Variants in TRPM3 observed in about 807,000 individuals in gnomAD.
TRPM3 encodes long transient receptor potential channel 3.
TRPM3 carries 77 observed loss-of-function variants against 181.2 expected under a neutral mutation model. The observed-to-expected ratio is 0.42, with a 90% confidence interval of 0.35 to 0.51. The LOEUF (loss-of-function observed/expected upper bound fraction) is 0.51, where lower values mean the gene tolerates loss of function less well. Among genes scored for constraint, TRPM3 ranks in the 20% least tolerant of loss-of-function variants. The pLI is 0.01. For synonymous variants in TRPM3, 745 were observed against 796.4 expected, an observed-to-expected ratio of 0.94 and a Z score of 1.09; for missense variants, 1,759 against 2,196.7, an observed-to-expected ratio of 0.80 and a Z score of 3.98.
intron 1 of TRPM3, among the ~76,000 whole-genome samples, chr9:71,310,882 T>C (rs1431712657): frequency 2.0e-5 from 3 of 152,078 alleles, no homozygotes; most frequent in African/African-American, 7.2e-5. Flanking sequence ...TTTTTCTTTT[T>C]ACTATGGAGA....
chr9:71,039,724 CT>C (rs1158452154), intron 1 of TRPM3, among the ~76,000 whole-genome samples: 1 of 152,136 alleles, frequency 6.6e-6, no homozygotes, highest in African/African-American at 2.4e-5. Flanking sequence ...GGGCATTTAA[CT>C]TTTCTCTGTC....
chr9:70,558,764 C>T (rs1460078676), intron 22 of TRPM3, among the ~76,000 whole-genome samples: 1 of 152,096 alleles, frequency 6.6e-6, no homozygotes, highest in South Asian at 2.1e-4. Flanking sequence ...CTCAAAGTCA[C>T]GTGCAGGTAC....
intron 6 of TRPM3, among the ~76,000 whole-genome samples, chr9:70,787,225 G>T (rs945546870): frequency 1.3e-5 from 2 of 151,960 alleles, no homozygotes. Context: ...CAATTAAAAT[G>T]ATGAAAACAA....
chr9:71,325,557 G>T (rs957541663), intron 1 of TRPM3, among the ~76,000 whole-genome samples: 1 of 152,122 alleles, frequency 6.6e-6, no homozygotes, highest in Non-Finnish European at 1.5e-5. Flanking sequence ...GGTGAGAGAG[G>T]ACACAACATG....
intron 1 of TRPM3, among the ~76,000 whole-genome samples, chr9:71,116,305 G>C (rs2072370313): frequency 6.6e-6 from 1 of 152,110 alleles, no homozygotes; most frequent in African/African-American, 2.4e-5. Flanking sequence ...AAAGTTTCTG[G>C]TTTACTGACA....
rs182614435 is a variant in TRPM3, at chr9:71,265,464, G to A, written c.183+181189C>T. ...TGAAAATGGTGACACATATTGGCAT[G>A]TAAGTGAATGTATTTGCTAAATAGC... On this transcript the variant is annotated intron_variant, in intron 1 of 24. Coordinates refer to the TRPM3 transcript ENST00000357533. 2.7e-4 allele frequency among the ~76,000 whole-genome samples: 41 copies of A among 152,328 alleles called. 1 individual carries two copies. The highest frequency in any genetic ancestry group is 4.1e-4 in the South Asian group (2 of 4,830).
chr9:71,089,880 TC>T (rs2065914832), intron 1 of TRPM3, among the ~76,000 whole-genome samples: 1 of 152,052 alleles, frequency 6.6e-6, no homozygotes, highest in South Asian at 2.1e-4. Context: ...TCTTTCAGCC[TC>T]CCTGGACCAT....
Position 71,266,674 on chromosome 9 carries a change from T to C in TRPM3, c.183+179979A>G, listed in dbSNP as rs574158921. On this transcript the variant is annotated intron_variant, in intron 1 of 24. Coordinates refer to the TRPM3 transcript ENST00000357533. ...AAAATTGCATGTGTATAATACAGTA[T>C]TGTTGACTGTAGGCACAATGGTGTA... Among the ~76,000 whole-genome samples the C allele has an allele frequency of 4.7e-3, 722 of 152,336 alleles. 3 individuals are homozygous for C. Among genetic ancestry groups the C allele is most frequent in the Non-Finnish European group, 8.3e-3 (568 of 68,038 alleles).
intron 8 of TRPM3, among the ~76,000 whole-genome samples, chr9:70,688,663 A>G (rs1159612693): frequency 6.6e-6 from 1 of 152,126 alleles, no homozygotes; most frequent in Non-Finnish European, 1.5e-5. Flanking sequence ...TGCTCCTCTC[A>G]GGATCCTTTA....
intron 1 of TRPM3, among the ~76,000 whole-genome samples, chr9:70,968,266 T>C (rs1307739872): frequency 6.6e-6 from 1 of 152,170 alleles, no homozygotes; most frequent in Non-Finnish European, 1.5e-5. Context: ...TAAAGATTAA[T>C]GTCACTCAAG....
intron 1 of TRPM3, among the ~76,000 whole-genome samples, chr9:71,130,318 C>A (rs2074292283): frequency 6.6e-6 from 1 of 151,984 alleles, no homozygotes; most frequent in Admixed American, 6.6e-5. Context: ...AAAAAAATAC[C>A]ATGATCTATC....
chr9:70,770,556 G>A (rs1199780794), intron 7 of TRPM3, among the ~76,000 whole-genome samples: 3 of 152,168 alleles, frequency 2.0e-5, no homozygotes, highest in Non-Finnish European at 4.4e-5. Flanking sequence ...TTCACAATCT[G>A]CTATAGGAGA....
At chr9:71,311,677 G>GA (rs911367649) in intron 1 of TRPM3, among the ~76,000 whole-genome samples, 10 of 149,952 alleles carry the variant, frequency 6.7e-5, no homozygotes, top group African/African-American at 1.5e-4. Context: ...GGATAACAAA[G>GA]AAAAAAAAAT....
At chr9:70,908,699 G>T (rs548208230) in intron 1 of TRPM3, among the ~76,000 whole-genome samples, 2 of 152,282 alleles carry the variant, frequency 1.3e-5, no homozygotes, top group Middle Eastern at 3.4e-3. Flanking sequence ...GACAAATTTG[G>T]AGTATCCACA....
chr9:70,693,211 A>T (rs2069107376), intron 8 of TRPM3, among the ~76,000 whole-genome samples: 1 of 152,220 alleles, frequency 6.6e-6, no homozygotes, highest in Non-Finnish European at 1.5e-5. Flanking sequence ...TTCATTGATC[A>T]TAAAACTGTG....
At chr9:70,892,577 T>A (rs543581964) in intron 1 of TRPM3, among the ~76,000 whole-genome samples, 1 of 148,736 alleles carries the variant, frequency 6.7e-6, no homozygotes, top group African/African-American at 2.5e-5. Flanking sequence ...GCTACTTCTT[T>A]AGGTTCAAGT....
chr9:71,377,956 C>T (rs2092705393), intron 1 of TRPM3, among the ~76,000 whole-genome samples: 1 of 151,828 alleles, frequency 6.6e-6, no homozygotes, highest in African/African-American at 2.4e-5. Context: ...GAATATATCA[C>T]GATTTATTTA....
chr9:71,395,384 T>C (rs1169725618), intron 1 of TRPM3, among the ~76,000 whole-genome samples: 1 of 152,204 alleles, frequency 6.6e-6, no homozygotes, highest in Non-Finnish European at 1.5e-5. Context: ...AATGCTATCA[T>C]GTAGGAAATT....
intron 1 of TRPM3, among the ~76,000 whole-genome samples, chr9:71,247,907 A>G (rs747740285): frequency 5.9e-5 from 9 of 152,210 alleles, no homozygotes; most frequent in Non-Finnish European, 1.3e-4. Flanking sequence ...TACTAGCTAA[A>G]GTGAAGGCCT....
Sources: allele counts gnomAD v4.1 joint callset (sites outside exome capture counted in the v4.1 genomes callset), GRCh38; gene constraint gnomAD v4.1.1; transcripts MANE v1.5; gene names NCBI Gene and HGNC (gene_info 2026-07-23, HGNC 2026-07-21).